The following SKIC3 variants were observed in gnomAD, a reference collection of about 807,000 sequenced individuals.
SKIC3 encodes the protein superkiller complex protein 3.
the SKIC3 span, among the ~76,000 whole-genome samples, chr5:95,526,778 G>C: frequency 6.6e-6 from 1 of 152,054 alleles, no homozygotes; most frequent in East Asian, 1.9e-4. Flanking sequence ...GCCTTTGTGT[G>C]ATGTTAGTAG....
At chr5:95,517,985 A>G in the SKIC3 span, among the ~76,000 whole-genome samples, 1 of 152,020 alleles carries the variant, frequency 6.6e-6, no homozygotes, top group Admixed American at 6.6e-5. Context: ...CCCTTCTGCC[A>G]TAGGATGACC....
At chr5:95,484,611 T>G in the SKIC3 span, 5 of 1,448,812 alleles carry the variant, frequency 3.5e-6, no homozygotes. Context: ...TCTCCCAAAG[T>G]GCCAGGAATA....
the SKIC3 span, chr5:95,513,427 A>C: frequency 2.3e-6 from 2 of 887,416 alleles, no homozygotes; most frequent in Non-Finnish European, 3.6e-6. Flanking sequence ...GGCTGGCCTC[A>C]AGCAATCCTC....
the SKIC3 span, chr5:95,517,029 T>A: frequency 1.9e-4 from 305 of 1,613,658 alleles, no homozygotes; most frequent in Non-Finnish European, 2.4e-4. Flanking sequence ...GTATTAGATG[T>A]AGACATCAGT....
At chr5:95,519,264 C>T in the SKIC3 span, among the ~76,000 whole-genome samples, 8 of 151,840 alleles carry the variant, frequency 5.3e-5, no homozygotes, top group African/African-American at 1.4e-4. Flanking sequence ...TTTCTCTTCT[C>T]GAGATCTTAT....
At chr5:95,524,908 G>A in the SKIC3 span, among the ~76,000 whole-genome samples, 15 of 151,356 alleles carry the variant, frequency 9.9e-5, no homozygotes, top group African/African-American at 1.7e-4. Flanking sequence ...TTTTGAGTCC[G>A]AGTCTTGCTC....
chr5:95,464,735 TA>T, the SKIC3 span: 1 of 1,461,852 alleles, frequency 6.8e-7, no homozygotes, highest in Admixed American at 1.8e-5. Flanking sequence ...ACAATATCTA[TA>T]TTTTGATTCA....
At chr5:95,504,011 T>C in the SKIC3 span, 1 of 1,495,528 alleles carries the variant, frequency 6.7e-7, no homozygotes. Flanking sequence ...TACTGAGATA[T>C]AATTACACTA....
At chr5:95,469,119 T>C in the SKIC3 span, among the ~76,000 whole-genome samples, 1 of 152,322 alleles carries the variant, frequency 6.6e-6, no homozygotes, top group East Asian at 1.9e-4. Flanking sequence ...CAATCACTGC[T>C]TTACTTACAG....
At chr5:95,535,712 A>C in the SKIC3 span, among the ~76,000 whole-genome samples, 1 of 151,986 alleles carries the variant, frequency 6.6e-6, no homozygotes, top group Admixed American at 6.5e-5. Context: ...TGCAATGGTC[A>C]TTTTCTACCA....
At chr5:95,548,131 T>C in the SKIC3 span, among the ~76,000 whole-genome samples, 1 of 152,086 alleles carries the variant, frequency 6.6e-6, no homozygotes, top group East Asian at 1.9e-4. Flanking sequence ...AATTCAATCA[T>C]AATTCAATGT....
At chr5:95,492,649 A>C in the SKIC3 span, among the ~76,000 whole-genome samples, 110 of 53,038 alleles carry the variant, frequency 2.1e-3, no homozygotes, top group Non-Finnish European at 2.8e-3. Context: ...AAAAAAAAAA[A>C]AAGAAAAAAA....
At chr5:95,472,645 T>C in the SKIC3 span, among the ~76,000 whole-genome samples, 3 of 152,092 alleles carry the variant, frequency 2.0e-5, no homozygotes, top group African/African-American at 7.2e-5. Context: ...CTTTTTTTTT[T>C]TTCTAAAGTT....
chr5:95,489,659 G>A, the SKIC3 span, among the ~76,000 whole-genome samples: 2 of 151,238 alleles, frequency 1.3e-5, no homozygotes, highest in Non-Finnish European at 3.0e-5. Context: ...AAAAAACAAA[G>A]GCAACAAATA....
the SKIC3 span, chr5:95,504,046 C>G: frequency 1.0e-6 from 1 of 989,088 alleles, no homozygotes; most frequent in Non-Finnish European, 1.4e-6. Flanking sequence ...CGGTGGCTCA[C>G]ATCTGTAATC....
chr5:95,494,965 T>C, the SKIC3 span: 2 of 1,613,770 alleles, frequency 1.2e-6, no homozygotes, highest in Non-Finnish European at 8.5e-7. Context: ...CAAACTAACC[T>C]TTCCATGATT....
chr5:95,540,553 T>A, the SKIC3 span: 1 of 1,097,182 alleles, frequency 9.1e-7, no homozygotes, highest in South Asian at 1.5e-5. Flanking sequence ...CAGGTGCAAA[T>A]GAACACATGA....
At chr5:95,472,701 AT>A in the SKIC3 span, among the ~76,000 whole-genome samples, 1 of 151,986 alleles carries the variant, frequency 6.6e-6, no homozygotes, top group Non-Finnish European at 1.5e-5. Context: ...CTCCATGGGT[AT>A]ATTGCACCCA....
At chr5:95,505,476 G>C in the SKIC3 span, among the ~76,000 whole-genome samples, 3 of 152,152 alleles carry the variant, frequency 2.0e-5, no homozygotes, top group Admixed American at 6.5e-5. Context: ...CTACAGAAGG[G>C]AATGTGGGTG....
Sources: allele counts gnomAD v4.1 joint callset (sites outside exome capture counted in the v4.1 genomes callset), GRCh38; gene constraint gnomAD v4.1.1; transcripts MANE v1.5; gene names NCBI Gene and HGNC (gene_info 2026-07-23, HGNC 2026-07-21).